The following PCF11 variants were observed in gnomAD, a reference collection of about 807,000 sequenced individuals.
PCF11 encodes the protein PCF11 cleavage and polyadenylation factor subunit, also known as pre-mRNA cleavage complex 2 protein Pcf11.
In PCF11, 19 loss-of-function variants were observed where a neutral mutation model predicts 166.1. The ratio of observed to expected loss-of-function variants is 0.11; its 90% CI spans 0.08 to 0.17. The LOEUF (loss-of-function observed/expected upper bound fraction) is 0.17. PCF11 is among the 10% of genes least tolerant of loss of function. PCF11 has a pLI of 1.00. For synonymous variants in PCF11, 663 were observed against 644.1 expected (o/e 1.03, Z -0.44); for missense variants, 1,565 against 1,855.5 (o/e 0.84, Z 2.88).
At chr11:83,173,513 TTTG>T (rs1435636364) in intron 9 of PCF11, among the ~76,000 whole-genome samples, 6 of 150,024 alleles carry the variant, frequency 4.0e-5, no homozygotes, top group South Asian at 2.1e-4. Context: ...ATTTGTCTGT[TTTG>T]TTGTTGTTTT....
At chr11:83,169,573 G>C in exon 8 of PCF11, 1 of 1,613,930 alleles carries the variant, frequency 6.2e-7, no homozygotes. Context: ...TGGACCACCT[G>C]GACAGCAGGT....
exon 8 of PCF11, chr11:83,169,733 G>T: frequency 1.2e-6 from 2 of 1,613,848 alleles, no homozygotes; most frequent in South Asian, 1.1e-5. Flanking sequence ...AATCAGACTG[G>T]TCCATATAAT....
chr11:83,180,278 G>A (rs1206672079), intron 11 of PCF11: 3 of 151,962 alleles, frequency 2.0e-5, no homozygotes, highest in African/African-American at 4.8e-5. Flanking sequence ...AGTAGGGACA[G>A]GGTTTCACCA....
chr11:83,184,183 G>C (rs984401252), intron 15 of PCF11: 1 of 151,672 alleles, frequency 6.6e-6, no homozygotes, highest in African/African-American at 2.4e-5. Flanking sequence ...AGTTCAAATG[G>C]TCATATTTGT....
intron 11 of PCF11, among the ~76,000 whole-genome samples, chr11:83,179,630 G>A (rs1348862040): frequency 5.9e-5 from 9 of 152,042 alleles, no homozygotes; most frequent in East Asian, 1.9e-4. Context: ...TAGGCTGGGC[G>A]CAGTGGCTCA....
chr11:83,167,353 C>CTATTTTTTTGG lies in PCF11; in HGVS notation c.2002-52_2002-42dup. The CTATTTTTTTGG allele has an allele frequency of 6.5e-7, 1 of 1,539,600 alleles. No individual in the cohort carries two copies. The highest frequency in any genetic ancestry group is 8.7e-7 in the Non-Finnish European group (1 of 1,144,596). ...CCATGTAGTCATCATTATCTATCGT[C>CTATTTTTTTGG]TATTTTTTTGGTATTTTTTTATATT... On this transcript the variant is annotated intron_variant, in intron 6 of 15. Transcript: ENST00000298281. The surrounding 1 kb of genome is among the most constrained non-coding windows in gnomAD (Gnocchi z 4.2).
chr11:83,177,905 C>T (rs1860942424), intron 11 of PCF11, 86 bp downstream of exon 11: 2 of 506,500 alleles, frequency 3.9e-6, no homozygotes, highest in Admixed American at 3.5e-5. Flanking sequence ...TAGTGCTTTC[C>T]CTTTCCCTTT....
intron 8 of PCF11, 29 bp from the exon 9 acceptor site, chr11:83,171,789 T>C: frequency 8.8e-7 from 1 of 1,130,618 alleles, no homozygotes; most frequent in South Asian, 1.3e-5. Flanking sequence ...ATAGAAAGCA[T>C]GTTCTTAAAA....
At chr11:83,159,299 T>C (rs1229081368) in intron 1 of PCF11, among the ~76,000 whole-genome samples, 1 of 152,236 alleles carries the variant, frequency 6.6e-6, no homozygotes, top group Non-Finnish European at 1.5e-5. Context: ...ACTTAGTTTT[T>C]GCCTTGTTGA....
chr11:83,164,623 C>T (rs1860381213), intron 4 of PCF11, among the ~76,000 whole-genome samples: 1 of 151,926 alleles, frequency 6.6e-6, no homozygotes, highest in African/African-American at 2.4e-5. Flanking sequence ...TGGATCATGC[C>T]TGTAATCCCA....
intron 12 of PCF11, 84 bp from the exon 13 acceptor site, chr11:83,181,770 C>T: frequency 1.1e-6 from 1 of 888,148 alleles, no homozygotes; most frequent in African/African-American, 1.7e-5. Context: ...TATACCCCTA[C>T]CTTTAAATGG....
Position 83,167,535 on chromosome 11 carries a change from C to A in PCF11, c.2092+30C>A. 2 of 1,602,576 alleles carry A rather than the reference C, an allele frequency of 1.2e-6. No individual in the cohort carries two copies. Among genetic ancestry groups the A allele is most frequent in the Non-Finnish European group, 1.7e-6 (2 of 1,173,884 alleles). ...ACATAGATGCAATGTACGGGATAGT[C>A]CTACAGAAGAAAATAAAGGTGGATT... On this transcript the variant is annotated intron_variant, in intron 7 of 15. Transcript: ENST00000298281. This position sits in a 1 kb window ranked among gnomAD's most constrained non-coding sequence, Gnocchi z 4.2.
At chr11:83,168,682 C>T (rs1860562321) in exon 8 of PCF11, 1 of 1,613,952 alleles carries the variant, frequency 6.2e-7, no homozygotes, top group Non-Finnish European at 8.5e-7. Flanking sequence ...AATTGATGGA[C>T]CTCCCACACC....
chr11:83,161,180 T>A, intron 1 of PCF11, 147 bp from the exon 2 acceptor site: 2 of 606,244 alleles, frequency 3.3e-6, no homozygotes, highest in Non-Finnish European at 5.4e-6. Context: ...AGAGCTTGAT[T>A]GAACACTTAA....
At chr11:83,159,640 G>T (rs946232885) in intron 1 of PCF11, among the ~76,000 whole-genome samples, 1 of 152,184 alleles carries the variant, frequency 6.6e-6, no homozygotes, top group Non-Finnish European at 1.5e-5. Flanking sequence ...GTAAAGCCAG[G>T]TTGAGGAAAA....
rs374462199 is a variant in PCF11, at chr11:83,180,994, C to T, written c.3984-14C>T. ...ATATTATCAACACTAAAGATTATTT[C>T]TTTTTCAAAATAGACGTTATGACAG... On this transcript the variant is annotated splice_polypyrimidine_tract_variant and intron_variant, in intron 11 of 15. Transcript: ENST00000298281. 1.4e-6 allele frequency: 2 copies of T among 1,462,466 alleles called. No homozygotes were observed. Among genetic ancestry groups the T allele is most frequent in the South Asian group, 1.3e-5 (1 of 77,940 alleles). 90.6% of individuals were successfully genotyped at this position (1,462,466 alleles called of 1,614,324 possible).
intron 9 of PCF11, among the ~76,000 whole-genome samples, chr11:83,173,844 G>A (rs1860783747): frequency 1.3e-5 from 2 of 148,864 alleles, no homozygotes; most frequent in African/African-American, 5.0e-5. Flanking sequence ...GTTCTCCCGG[G>A]CTCAGCCTCC....
In PCF11 at chr11:83,167,830, G is replaced by A. The variant is rs1271736189; in HGVS notation, c.2092+325G>A. 3.8e-6 allele frequency: 5 copies of A among 1,324,260 alleles called. No individual in the cohort carries two copies. The highest frequency in any genetic ancestry group is 2.1e-4 in the Middle Eastern group (1 of 4,874). 82.0% of individuals were successfully genotyped at this position (1,324,260 alleles called of 1,614,324 possible). ...CGTCTTTCTCCTATATCTGGGAGTC[G>A]TACTTATGCTGAGAATCTTTCACCC... On this transcript the variant is annotated intron_variant, in intron 7 of 15. Transcript: ENST00000298281. This position sits in a 1 kb window ranked among gnomAD's most constrained non-coding sequence, Gnocchi z 4.2.
At chr11:83,164,056 T>TA in intron 3 of PCF11, 151 bp from the exon 4 acceptor site, 1 of 611,116 alleles carries the variant, frequency 1.6e-6, no homozygotes, top group East Asian at 2.9e-5. Flanking sequence ...GTTTAGGTAT[T>TA]ATGTAACATT....
Sources: gnomAD v4.1 joint callset for allele counts (sites outside exome capture counted in the v4.1 genomes callset) on GRCh38, gnomAD v4.1.1 for gene constraint, Gnocchi (gnomAD v3.1) non-coding constraint, MANE v1.5 for transcripts, NCBI Gene and HGNC (gene_info 2026-07-23, HGNC 2026-07-21) for gene names.